Variants in LRRIQ1 observed in about 807,000 individuals in gnomAD.
LRRIQ1 encodes leucine-rich repeat- and IQ domain-containing protein 1.
A neutral mutation model predicts 211.9 loss-of-function variants in LRRIQ1; 210 were observed. The observed-to-expected ratio is 0.99, with a 90% CI of 0.89 to 1.11. LRRIQ1 has a LOEUF of 1.11. LRRIQ1 is among the 50% of genes most tolerant of loss of function. LRRIQ1 has a pLI of 0.00. For synonymous variants in LRRIQ1, 699 were observed against 650.1 expected, an observed-to-expected ratio of 1.08 and a Z score of -1.14; for missense variants, 2,136 against 1,939.5, an observed-to-expected ratio of 1.10 and a Z score of -1.90.
chr12:85,221,646 A>G (rs1489772547), intron 24 of LRRIQ1, among the ~76,000 whole-genome samples: 2 of 152,172 alleles, frequency 1.3e-5, no homozygotes. Flanking sequence ...GGCAAAGTGC[A>G]TAGTCCCAAG....
At chr12:85,072,784 A>G (rs1883230528) in intron 10 of LRRIQ1, 123 bp from the exon 11 acceptor site, 1 of 497,522 alleles carries the variant, frequency 2.0e-6, no homozygotes, top group Non-Finnish European at 3.3e-6. Flanking sequence ...TTATTTTTAT[A>G]CAGTATAGAT....
intron 24 of LRRIQ1, among the ~76,000 whole-genome samples, chr12:85,197,098 T>C (rs994235730): frequency 3.8e-4 from 58 of 151,592 alleles, no homozygotes; most frequent in African/African-American, 1.3e-3. Flanking sequence ...CACTGGCCAT[T>C]AGAGAAATGC....
intron 10 of LRRIQ1, among the ~76,000 whole-genome samples, chr12:85,068,233 C>T (rs1293746372): frequency 6.6e-6 from 1 of 151,836 alleles, no homozygotes; most frequent in Non-Finnish European, 1.5e-5. Context: ...CCATACTGTC[C>T]ACCTTTTCAG....
chr12:85,094,861 T>G (rs1250773311), intron 11 of LRRIQ1, among the ~76,000 whole-genome samples: 10 of 152,134 alleles, frequency 6.6e-5, no homozygotes, highest in Admixed American at 3.9e-4. Context: ...TGTACGTGTG[T>G]GTTTGTGTGT....
At chr12:85,185,619 A>G (rs925784722) in intron 24 of LRRIQ1, among the ~76,000 whole-genome samples, 1 of 151,956 alleles carries the variant, frequency 6.6e-6, no homozygotes, top group African/African-American at 2.4e-5. Context: ...AGTATGAATA[A>G]AGTAAATTTT....
rs139327376 is a variant in LRRIQ1 at position 85,171,626 on chromosome 12, G to A, written c.4822+10912G>A. On this transcript the variant is annotated intron_variant, in intron 24 of 26. Transcript: ENST00000393217. ...AGTTGTGTCCTTCAAAAATTCATAG[G>A]TTGAAGCCTTGATGTCCAATTTGAC... 5.3e-5 allele frequency among the ~76,000 whole-genome samples: 8 copies of A among 152,244 alleles called. No homozygotes were observed. The East Asian group carries it at 1.5e-3, about 29-fold the overall frequency.
At chr12:85,097,791 A>C (rs1313517021) in intron 11 of LRRIQ1, among the ~76,000 whole-genome samples, 1 of 152,080 alleles carries the variant, frequency 6.6e-6, no homozygotes, top group African/African-American at 2.4e-5. Flanking sequence ...CCTTATGACC[A>C]CTGAGTTACA....
intron 24 of LRRIQ1, among the ~76,000 whole-genome samples, chr12:85,177,180 T>C (rs1392071982): frequency 6.6e-6 from 1 of 152,166 alleles, no homozygotes; most frequent in Non-Finnish European, 1.5e-5. Context: ...TAAGATTTAA[T>C]TCCTTATCTT....
At chr12:85,145,678 A>C (rs1189163580) in intron 19 of LRRIQ1, among the ~76,000 whole-genome samples, 1 of 151,636 alleles carries the variant, frequency 6.6e-6, no homozygotes, top group African/African-American at 2.4e-5. Context: ...TGAGCCTAGG[A>C]TATCCCATGT....
chr12:85,095,165 T>A (rs1362743296), intron 11 of LRRIQ1, among the ~76,000 whole-genome samples: 1 of 152,166 alleles, frequency 6.6e-6, no homozygotes, highest in Non-Finnish European at 1.5e-5. Context: ...ATAGGAGTGG[T>A]GATAGTGGAC....
At chr12:85,112,918 T>C (rs1336749960) in intron 15 of LRRIQ1, among the ~76,000 whole-genome samples, 1 of 152,180 alleles carries the variant, frequency 6.6e-6, no homozygotes, top group Admixed American at 6.6e-5. Context: ...AATAAGCTTA[T>C]GGCTTCCCTC....
At chr12:85,142,635 A>C (rs1889621823) in intron 19 of LRRIQ1, among the ~76,000 whole-genome samples, 1 of 151,188 alleles carries the variant, frequency 6.6e-6, no homozygotes, top group Non-Finnish European at 1.5e-5. Context: ...CCCACTGACC[A>C]CCTTAAACCC....
chr12:85,169,896 A>G (rs187588152), intron 24 of LRRIQ1, among the ~76,000 whole-genome samples: 56 of 152,312 alleles, frequency 3.7e-4, no homozygotes, highest in African/African-American at 1.2e-3. Context: ...CTCAATAAAT[A>G]TATGATTAAG....
chr12:85,193,538 A>T lies in LRRIQ1; in HGVS notation c.4822+32824A>T, dbSNP rs1209134905. On this transcript the variant is annotated intron_variant, in intron 24 of 26. Transcript: ENST00000393217. The stretch of plus-strand genomic sequence containing the variant: ...ATATTCAACATTCTTAAAGAAAAGA[A>T]TTTTCAACCCAGAATTTCATATCCA... 2.0e-4 allele frequency among the ~76,000 whole-genome samples: 29 copies of T among 144,856 alleles called. No homozygotes were observed. In the Middle Eastern group the frequency reaches 0.011, roughly 54 times the overall value.
At chr12:85,155,285 C>T (rs1381137447) in intron 23 of LRRIQ1, among the ~76,000 whole-genome samples, 1 of 151,380 alleles carries the variant, frequency 6.6e-6, no homozygotes, top group African/African-American at 2.4e-5. Context: ...AAAATATAAA[C>T]ACCTTGCTTT....
Position 85,244,879 on chromosome 12 carries a change from C to T in LRRIQ1, c.5107C>T (p.Gln1703Ter), listed in dbSNP as rs1348105264. 2 of 1,610,540 alleles carry T rather than the reference C, an allele frequency of 1.2e-6. No individual in the cohort carries two copies. The highest frequency in any genetic ancestry group is 1.3e-5 in the African/African-American group (1 of 74,650). The change falls in exon 27 of 27, where the codon CAG becomes TAG. Residue 1703 changes from glutamine (Q) to a stop codon, truncating the protein, a stop_gained. Transcript: ENST00000393217. LOFTEE classifies it high-confidence loss of function. ...GTCTGTGAACAGAGAAAAAAAAAAT[C>T]AGGCACACAGACACTCAGCAGGATC... ...ALSVNREKKN[Q>*]AHRHSAGSSS...
intron 26 of LRRIQ1, among the ~76,000 whole-genome samples, chr12:85,238,386 A>G (rs1565922267): frequency 6.6e-6 from 1 of 152,080 alleles, no homozygotes; most frequent in Non-Finnish European, 1.5e-5. Context: ...GAAATACGAG[A>G]AAACAGATTT....
chr12:85,073,038 A>ATG lies in LRRIQ1; in HGVS notation c.2828_2829insGT (p.Ile943MetfsTer24). ...TGGATTATGTTGGTCCTGGATACCTATTACCTCACTTACAAAAAATTCAGA... is the reference window on the plus strand; with the variant it reads ...TGGATTATGTTGGTCCTGGATACCTATGTTACCTCACTTACAAAAAATTCAGA... On this transcript the variant is annotated frameshift_variant, in exon 11 of 27. Transcript: ENST00000393217. LOFTEE classifies it high-confidence loss of function. 6.2e-7 allele frequency: 1 copy of ATG among 1,611,446 alleles called. No individual in the cohort carries two copies. The highest frequency in any genetic ancestry group is 8.5e-7 in the Non-Finnish European group (1 of 1,178,584).
intron 15 of LRRIQ1, among the ~76,000 whole-genome samples, chr12:85,111,330 G>A (rs1198379748): frequency 6.6e-6 from 1 of 152,024 alleles, no homozygotes; most frequent in Non-Finnish European, 1.5e-5. Context: ...ATTCCATTCC[G>A]TTGACTGGTT....
Sources: allele counts gnomAD v4.1 joint callset (sites outside exome capture counted in the v4.1 genomes callset), GRCh38; gene constraint gnomAD v4.1.1; transcripts MANE v1.5; gene names NCBI Gene and HGNC (gene_info 2026-07-23, HGNC 2026-07-21).